Variants in SGIP1 observed in about 807,000 individuals in gnomAD.
The protein encoded by SGIP1 is SH3-containing GRB2-like protein 3-interacting protein 1.
Under a neutral mutation model 107.5 loss-of-function variants are expected in SGIP1, and 38 were observed. The observed-to-expected ratio is 0.35, with a 90% CI of 0.27 to 0.46. SGIP1 has a LOEUF of 0.46. Ranked by LOEUF, SGIP1 falls within the 20% of genes least tolerant of loss-of-function variation. The pLI is 1.00. For synonymous variants in SGIP1, 365 were observed against 366.1 expected (o/e 1.00, Z 0.03); for missense variants, 929 against 1,019.5 (o/e 0.91, Z 1.21).
Position 66,743,025 on chromosome 1 carries a change from A to G in SGIP1, c.2465-48A>G, listed in dbSNP as rs778526742. The stretch of plus-strand genomic sequence containing the variant: ...GAAAAGTTACCCATATAATAATTAC[A>G]TTATTGAACTACCAGATAACCTGTT... On this transcript the variant is annotated intron_variant, in intron 24 of 24. Transcript: ENST00000371037. 24 of 1,609,452 alleles carry G rather than the reference A, an allele frequency of 1.5e-5. No homozygotes were observed. In the South Asian group the frequency reaches 2.2e-4, roughly 15 times the overall value.
chr1:66,610,122 G>C (rs1384149947), intron 1 of SGIP1, among the ~76,000 whole-genome samples: 1 of 151,950 alleles, frequency 6.6e-6, no homozygotes, highest in Non-Finnish European at 1.5e-5. Flanking sequence ...AGCCAAATAG[G>C]GTTCACCACA....
At chr1:66,604,174 A>G (rs80047815) in intron 1 of SGIP1, among the ~76,000 whole-genome samples, 1 of 152,326 alleles carries the variant, frequency 6.6e-6, no homozygotes, top group African/African-American at 2.4e-5. Context: ...TTTAAGAAGA[A>G]AAAGTGCTGG....
chr1:66,593,058 A>G (rs949985685), intron 1 of SGIP1, among the ~76,000 whole-genome samples: 8 of 151,758 alleles, frequency 5.3e-5, no homozygotes, highest in African/African-American at 1.9e-4. Context: ...TAGCCTTTTC[A>G]GATTGGCTTC....
chr1:66,548,458 G>A (rs763370940), intron 1 of SGIP1, among the ~76,000 whole-genome samples: 4 of 151,828 alleles, frequency 2.6e-5, no homozygotes, highest in African/African-American at 9.7e-5. Flanking sequence ...TAACCCAAAC[G>A]GTTCTGGCAT....
At position 66,660,481 on chromosome 1, in the gene SGIP1, T is replaced by C. The variant is rs41305636; in HGVS notation, c.460-32T>C. ...TACATTTCACCTCTCTCATTTTCTC[T>C]TTATTCTTCCTCCCCATGCCTACGC... On this transcript the variant is annotated intron_variant, in intron 7 of 24. Coordinates refer to ENST00000371037, the MANE Select transcript of SGIP1 (RefSeq NM_032291.4). 14,617 of 1,603,378 alleles carry C rather than the reference T, an allele frequency of 9.1e-3. 95 individuals carry two copies. Among genetic ancestry groups the C allele is most frequent in the Middle Eastern group, 0.014 (86 of 6,032 alleles).
At chr1:66,555,017 C>T (rs921223024) in intron 1 of SGIP1, among the ~76,000 whole-genome samples, 1 of 152,140 alleles carries the variant, frequency 6.6e-6, no homozygotes, top group African/African-American at 2.4e-5. Context: ...ATTCTTCTTT[C>T]TCCTTTATCT....
chr1:66,690,580 A>T (rs946357555), intron 17 of SGIP1: 1 of 316,400 alleles, frequency 3.2e-6, no homozygotes, highest in Non-Finnish European at 5.7e-6. Flanking sequence ...TATTCAAAAA[A>T]TAAGTAAGAA....
In SGIP1 at chr1:66,569,309, G is replaced by T. The variant is rs12125455; in HGVS notation, c.10+34941G>T. 8.6e-4 allele frequency among the ~76,000 whole-genome samples: 130 copies of T among 151,884 alleles called. 1 individual carries two copies. The highest frequency in any genetic ancestry group is 3.1e-3 in the African/African-American group (129 of 41,482). On this transcript the variant is annotated intron_variant, in intron 1 of 24. Transcript: ENST00000371037. ...ACATCCTTGCTTTCTTTCTGATCCT[G>T]GTAGAAAAGCTGTGAGTTTCTCCCC...
rs1399075689 is a variant in SGIP1 at position 66,679,874 on chromosome 1, A to T, written c.814+122A>T. The T allele has an allele frequency of 3.3e-6, 3 of 905,672 alleles. No homozygotes were observed. The East Asian group carries it at 9.6e-5, about 29-fold the overall frequency. 56.1% of individuals were successfully genotyped at this position (905,672 alleles called of 1,614,324 possible). ...CAAAAACATCACAATGTTGGCATTC[A>T]GTTTTGCTTTCATTAGAATTTCTTA... On this transcript the variant is annotated intron_variant, in intron 14 of 24. Coordinates refer to ENST00000371037, the MANE Select transcript of SGIP1 (RefSeq NM_032291.4).
At chr1:66,603,689 G>A (rs552301522) in intron 1 of SGIP1, among the ~76,000 whole-genome samples, 1 of 152,168 alleles carries the variant, frequency 6.6e-6, no homozygotes, top group Admixed American at 6.5e-5. Context: ...AATGATTAAA[G>A]CAAGGTCTAG....
intron 7 of SGIP1, among the ~76,000 whole-genome samples, chr1:66,655,619 C>T (rs9662956): frequency 0.27 from 40,986 of 152,088 alleles, 5,611 homozygotes; most frequent in Admixed American, 0.29. Context: ...GCCTATTGCT[C>T]TTAGGCTACA....
chr1:66,675,558 T>TTTTTTTTTTTTTTTTTTTTTC (rs2085086053), intron 12 of SGIP1, among the ~76,000 whole-genome samples: 1 of 143,820 alleles, frequency 7.0e-6, no homozygotes, highest in African/African-American at 2.6e-5. Flanking sequence ...TTTTTTTTTT[T>TTTTTTTTTTTTTTTTTTTTTC]TGACAGAATC....
At chr1:66,565,473 A>G (rs2059514886) in intron 1 of SGIP1, among the ~76,000 whole-genome samples, 1 of 152,018 alleles carries the variant, frequency 6.6e-6, no homozygotes, top group Admixed American at 6.6e-5. Context: ...CATAAAAAGG[A>G]TAAACCAAGG....
At chr1:66,608,621 A>C (rs901739113) in intron 1 of SGIP1, among the ~76,000 whole-genome samples, 20 of 152,150 alleles carry the variant, frequency 1.3e-4, no homozygotes, top group Non-Finnish European at 2.9e-5. Flanking sequence ...TGGTTTTCTG[A>C]AGTATATGAT....
intron 17 of SGIP1, among the ~76,000 whole-genome samples, chr1:66,693,256 T>TAATAAATAAATA (rs3077736): frequency 0.14 from 19,704 of 142,464 alleles, 1,424 homozygotes; most frequent in Non-Finnish European, 0.16. Context: ...TTTTTAAAAA[T>TAATAAATAAATA]AATAAATAAA....
rs2094581306 is a variant in SGIP1, at chr1:66,748,383, C to T, written c.*5288C>T. The T allele has an allele frequency of 2.0e-5, 3 of 152,032 alleles. No individual in the cohort carries two copies. Among genetic ancestry groups the T allele is most frequent in the South Asian group, 4.1e-4 (2 of 4,822 alleles). The allele number at this position is 152,032 out of a possible 1,614,324, so 9.4% of individuals were successfully genotyped here. ...TGCACTGCTGACATCTAATTAAGAT[C>T]TAAATATATTTCATGAAGGAATGTC... On this transcript the variant is annotated 3_prime_UTR_variant, in exon 25 of 25. Coordinates refer to ENST00000371037, the MANE Select transcript of SGIP1 (RefSeq NM_032291.4).
chr1:66,551,003 T>C (rs112539019), intron 1 of SGIP1, among the ~76,000 whole-genome samples: 20 of 152,102 alleles, frequency 1.3e-4, no homozygotes, highest in African/African-American at 4.3e-4. Flanking sequence ...ACCACAGCAA[T>C]TGACAGTGAT....
At chr1:66,612,798 C>G (rs951077848) in intron 1 of SGIP1, among the ~76,000 whole-genome samples, 2 of 152,064 alleles carry the variant, frequency 1.3e-5, no homozygotes, top group Non-Finnish European at 2.9e-5. Flanking sequence ...TCAGGAATTA[C>G]GGAGGTTTAA....
intron 1 of SGIP1, among the ~76,000 whole-genome samples, chr1:66,614,200 A>G (rs1017749984): frequency 6.6e-6 from 1 of 152,230 alleles, no homozygotes; most frequent in African/African-American, 2.4e-5. Flanking sequence ...ATGACTGTTT[A>G]CTCTAAAATT....
Sources: gnomAD v4.1 joint callset for allele counts (sites outside exome capture counted in the v4.1 genomes callset) on GRCh38, gnomAD v4.1.1 for gene constraint, MANE v1.5 for transcripts, NCBI Gene and HGNC (gene_info 2026-07-23, HGNC 2026-07-21) for gene names.